Variants in NAV2 observed in about 807,000 individuals in gnomAD.
The protein encoded by NAV2 is neuron navigator 2, also known as helicase, APC down-regulated 1.
In NAV2, 54 loss-of-function variants were observed where a neutral mutation model predicts 223.2. The observed-to-expected ratio is 0.24, with a 90% CI of 0.19 to 0.30. The LOEUF (loss-of-function observed/expected upper bound fraction) is 0.30. NAV2 is among the 10% of genes least tolerant of loss of function. The probability of loss-of-function intolerance (pLI) is 1.00; values close to 1 mark genes in which losing one functional copy is unlikely to be tolerated. For missense variants in NAV2, 2,806 were observed against 3,147.5 expected (o/e 0.89, Z 2.60); for synonymous variants, 1,279 against 1,239.3 (o/e 1.03, Z -0.67).
intron 1 of NAV2, among the ~76,000 whole-genome samples, chr11:19,639,733 T>C (rs2047607657): frequency 6.6e-6 from 1 of 152,190 alleles, no homozygotes; most frequent in East Asian, 1.9e-4. Context: ...AGTGTCTCAC[T>C]CACAGGCACC....
intron 1 of NAV2, among the ~76,000 whole-genome samples, chr11:19,714,889 T>A (rs1287940581): frequency 6.6e-6 from 1 of 152,136 alleles, no homozygotes; most frequent in Non-Finnish European, 1.5e-5. Context: ...TATATTTTCT[T>A]GGCAGTCAGT....
At chr11:19,514,345 C>G (rs1590377507) in intron 1 of NAV2, among the ~76,000 whole-genome samples, 1 of 152,172 alleles carries the variant, frequency 6.6e-6, no homozygotes, top group South Asian at 2.1e-4. Flanking sequence ...GTAACATTCT[C>G]TCACCAGATC....
In NAV2 at chr11:19,884,162, T is replaced by C. The variant is rs2063384171; in HGVS notation, c.770+4035T>C. The C allele has an allele frequency of 1.6e-5, 10 of 624,964 alleles. No homozygotes were observed. The South Asian group carries it at 2.0e-4, about 13-fold the overall frequency. The allele number at this position is 624,964 out of a possible 1,614,324, so 38.7% of individuals were successfully genotyped here. On this transcript the variant is annotated intron_variant, in intron 5 of 37. Coordinates refer to ENST00000349880, the MANE Select transcript of NAV2 (RefSeq NM_145117.5). The stretch of plus-strand genomic sequence containing the variant: ...GACCTAGAAAGAAAGCTGTGTGTCA[T>C]AGAAAACAGTGGGCAGGGGGGGAAA...
intron 1 of NAV2, among the ~76,000 whole-genome samples, chr11:19,652,067 C>A (rs1004056038): frequency 6.6e-6 from 1 of 152,136 alleles, no homozygotes; most frequent in Non-Finnish European, 1.5e-5. Context: ...CAAGGAGTGA[C>A]CTTATTTCAT....
At chr11:19,350,718 C>A (rs1466663146), upstream of NAV2, 2 of 547,580 alleles carry the variant, frequency 3.7e-6, no homozygotes, top group East Asian at 6.4e-5. Flanking sequence ...AACCCCAAGA[C>A]TTAGCTCTCA....
At chr11:20,109,588 G>T (rs1009910002) in intron 36 of NAV2, among the ~76,000 whole-genome samples, 1 of 152,194 alleles carries the variant, frequency 6.6e-6, no homozygotes, top group Non-Finnish European at 1.5e-5. Context: ...CATTTCAGAA[G>T]CTTCTCTCCT....
chr11:20,077,905 C>A, intron 23 of NAV2, 88 bp from the exon 24 acceptor site: 1 of 1,032,588 alleles, frequency 9.7e-7, no homozygotes. Context: ...TTCATTCCCG[C>A]TCCTCCTGTG....
chr11:19,633,336 G>C (rs2047397862), intron 1 of NAV2, among the ~76,000 whole-genome samples: 1 of 152,274 alleles, frequency 6.6e-6, no homozygotes, highest in Non-Finnish European at 1.5e-5. Flanking sequence ...TCCCCAGACA[G>C]AGAGGGAGGT....
intron 1 of NAV2, among the ~76,000 whole-genome samples, chr11:19,739,207 C>T (rs1293563110): frequency 2.0e-5 from 3 of 152,128 alleles, no homozygotes; most frequent in Non-Finnish European, 4.4e-5. Flanking sequence ...GATACATAGA[C>T]AACTCTTACA....
At chr11:19,406,129 C>A (rs1322793089) in intron 1 of NAV2, among the ~76,000 whole-genome samples, 1 of 152,188 alleles carries the variant, frequency 6.6e-6, no homozygotes, top group African/African-American at 2.4e-5. Context: ...TCAGCCCAGG[C>A]TGGCTTGGCT....
intron 1 of NAV2, among the ~76,000 whole-genome samples, chr11:19,666,025 T>C (rs1178072511): frequency 1.3e-5 from 2 of 152,184 alleles, no homozygotes; most frequent in African/African-American, 4.8e-5. Context: ...TTCACGTTAT[T>C]AGTCTCATAT....
At chr11:19,902,881 C>T (rs998926140) in intron 6 of NAV2, among the ~76,000 whole-genome samples, 17 of 151,996 alleles carry the variant, frequency 1.1e-4, no homozygotes, top group African/African-American at 3.6e-4. Context: ...ATAAATGAAA[C>T]TAACATTTCT....
At chr11:19,684,036 A>G (rs983695524) in intron 1 of NAV2, among the ~76,000 whole-genome samples, 1 of 151,998 alleles carries the variant, frequency 6.6e-6, no homozygotes, top group Non-Finnish European at 1.5e-5. Context: ...ATCCATGTAC[A>G]CTCCCCCAAT....
intron 3 of NAV2, among the ~76,000 whole-genome samples, chr11:19,850,549 G>C (rs2625318): frequency 0.36 from 54,305 of 151,670 alleles, 9,893 homozygotes; most frequent in East Asian, 0.48. Context: ...AGTGCTTTGA[G>C]CACTCAGTAT....
chr11:20,045,670 GGTAA>G lies in NAV2; in HGVS notation c.3902+3_3902+6del, dbSNP rs778756106. 4.3e-6 allele frequency: 7 copies of G among 1,610,754 alleles called. No homozygotes were observed. In the African/African-American group the frequency reaches 6.7e-5, roughly 15 times the overall value. ...GATGTGGCCTCTCCCACACTCCGCAGGTAAGTGAGTACATAAATGGTGCAGAGCA... is the reference window on the plus strand; with the variant it reads ...GATGTGGCCTCTCCCACACTCCGCAGGTGAGTACATAAATGGTGCAGAGCA... On this transcript the variant is annotated splice_donor_variant and splice_donor_region_variant and intron_variant, in intron 14 of 37. Transcript: ENST00000349880. LOFTEE classifies it high-confidence loss of function.
chr11:19,810,792 CA>C (rs542267852), intron 1 of NAV2, among the ~76,000 whole-genome samples: 158 of 151,890 alleles, frequency 1.0e-3, no homozygotes, highest in Middle Eastern at 0.01. Flanking sequence ...GGGATTTTGG[CA>C]TCTGTATTTT....
intron 25 of NAV2, among the ~76,000 whole-genome samples, chr11:20,081,234 C>A (rs2060072632): frequency 6.6e-6 from 1 of 152,088 alleles, no homozygotes. Context: ...ATTAAATTTT[C>A]TTTTTTAAGT....
chr11:19,576,916 T>G (rs1328841899), intron 1 of NAV2, among the ~76,000 whole-genome samples: 1 of 152,106 alleles, frequency 6.6e-6, no homozygotes, highest in East Asian at 1.9e-4. Context: ...TTAGGCTGAG[T>G]GGTGCTGGTT....
chr11:20,074,015 T>C (rs984029693), intron 22 of NAV2, among the ~76,000 whole-genome samples: 1 of 152,250 alleles, frequency 6.6e-6, no homozygotes, highest in Admixed American at 6.5e-5. Context: ...GTTCTTTTAA[T>C]TGTGATCTCA....
Sources: gnomAD v4.1 joint callset for allele counts (sites outside exome capture counted in the v4.1 genomes callset) on GRCh38, gnomAD v4.1.1 for gene constraint, MANE v1.5 for transcripts, NCBI Gene and HGNC (gene_info 2026-07-23, HGNC 2026-07-21) for gene names.